SCFD2: variants seen among roughly 807,000 people sequenced by gnomAD.
SCFD2 encodes sec1 family domain-containing protein 2.
Under a neutral mutation model 58.9 loss-of-function variants are expected in SCFD2, and 54 were observed. The ratio of observed to expected loss-of-function variants is 0.92; its 90% CI spans 0.74 to 1.15. The LOEUF (loss-of-function observed/expected upper bound fraction) is 1.15, where lower values mean the gene tolerates loss of function less well. SCFD2 is among the 50% of genes most tolerant of loss of function. The probability of loss-of-function intolerance (pLI) is 0.00; values close to 1 mark genes in which losing one functional copy is unlikely to be tolerated. For missense variants in SCFD2, 805 were observed against 836.6 expected (o/e 0.96, Z 0.47); for synonymous variants, 321 against 335.9 (o/e 0.96, Z 0.49).
chr4:53,180,257 C>T (rs1220597520), intron 4 of SCFD2, among the ~76,000 whole-genome samples: 1 of 152,154 alleles, frequency 6.6e-6, no homozygotes, highest in East Asian at 1.9e-4. Context: ...GGAAGTAAAG[C>T]ACTCCTCAGC....
intron 5 of SCFD2, among the ~76,000 whole-genome samples, chr4:52,974,985 A>G (rs1015505173): frequency 4.6e-5 from 7 of 152,180 alleles, no homozygotes; most frequent in African/African-American, 9.6e-5. Context: ...AGCTGAAACT[A>G]GATCCCTTCC....
At chr4:52,907,633 T>C in intron 6 of SCFD2, 42 bp from the exon 7 acceptor site, 1 of 1,607,936 alleles carries the variant, frequency 6.2e-7, no homozygotes, top group Non-Finnish European at 8.5e-7. Context: ...TTGTTTGGTT[T>C]GTCTGGAGAG....
chr4:53,205,911 A>C (rs1390983409), intron 4 of SCFD2, among the ~76,000 whole-genome samples: 1 of 152,082 alleles, frequency 6.6e-6, no homozygotes, highest in Non-Finnish European at 1.5e-5. Flanking sequence ...AATAAGCTTA[A>C]TAAATTAAAA....
At chr4:53,263,049 G>C (rs1481085098) in intron 4 of SCFD2, among the ~76,000 whole-genome samples, 1 of 151,980 alleles carries the variant, frequency 6.6e-6, no homozygotes, top group East Asian at 1.9e-4. Flanking sequence ...TTATTGCTGA[G>C]ACTTTCCAGT....
intron 4 of SCFD2, among the ~76,000 whole-genome samples, chr4:53,263,183 G>A (rs1230325134): frequency 1.3e-5 from 2 of 151,740 alleles, no homozygotes; most frequent in Non-Finnish European, 2.9e-5. Context: ...ATTTCTTTAA[G>A]TTGGACTTCA....
intron 2 of SCFD2, among the ~76,000 whole-genome samples, chr4:53,337,629 A>T (rs2149141391): frequency 6.6e-6 from 1 of 152,342 alleles, no homozygotes. Context: ...ACACTTGTTT[A>T]AGAATGTTCA....
At chr4:53,151,048 C>T (rs537099004) in intron 4 of SCFD2, among the ~76,000 whole-genome samples, 11 of 152,254 alleles carry the variant, frequency 7.2e-5, no homozygotes, top group African/African-American at 2.6e-4. Context: ...CCCACAGGCT[C>T]CTTTCTTAGA....
chr4:53,018,607 G>A (rs1722269039), intron 5 of SCFD2, among the ~76,000 whole-genome samples: 1 of 152,096 alleles, frequency 6.6e-6, no homozygotes, highest in African/African-American at 2.4e-5. Flanking sequence ...ACTCCACTGG[G>A]CCCATGAAGT....
intron 5 of SCFD2, among the ~76,000 whole-genome samples, chr4:53,059,934 G>A (rs1285307749): frequency 2.0e-5 from 3 of 152,030 alleles, no homozygotes; most frequent in African/African-American, 7.2e-5. Flanking sequence ...GATACATAAA[G>A]CAAGTTCTTC....
intron 6 of SCFD2, among the ~76,000 whole-genome samples, chr4:52,911,171 A>G (rs538017300): frequency 1.4e-4 from 21 of 152,336 alleles, no homozygotes; most frequent in African/African-American, 4.8e-4. Context: ...CAAAAACACT[A>G]TATTCTGTAC....
At chr4:52,982,828 A>G (rs1721405372) in intron 5 of SCFD2, among the ~76,000 whole-genome samples, 1 of 152,180 alleles carries the variant, frequency 6.6e-6, no homozygotes, top group East Asian at 1.9e-4. Flanking sequence ...CCACTGGGGA[A>G]GAAATAAAAA....
intron 5 of SCFD2, among the ~76,000 whole-genome samples, chr4:53,123,867 T>G (rs1291510899): frequency 6.6e-6 from 1 of 152,214 alleles, no homozygotes; most frequent in African/African-American, 2.4e-5. Flanking sequence ...GGGTAGGACC[T>G]GTAAGCTGTA....
chr4:52,936,080 G>T (rs879615421), intron 5 of SCFD2, among the ~76,000 whole-genome samples: 2 of 151,928 alleles, frequency 1.3e-5, no homozygotes, highest in Admixed American at 6.6e-5. Flanking sequence ...CAGATGATCC[G>T]CCTGCCTCAT....
chr4:53,193,612 C>G (rs1401398201), intron 4 of SCFD2, among the ~76,000 whole-genome samples: 1 of 152,116 alleles, frequency 6.6e-6, no homozygotes, highest in Admixed American at 6.5e-5. Context: ...ACCTTACCAA[C>G]AAAGGGAACT....
chr4:53,164,834 C>T (rs1726961778), intron 4 of SCFD2, among the ~76,000 whole-genome samples: 1 of 148,478 alleles, frequency 6.7e-6, no homozygotes, highest in African/African-American at 2.5e-5. Context: ...AGAAGAAGGG[C>T]AGTGTAGTCA....
chr4:53,298,758 A>C (rs1046657883), intron 3 of SCFD2, among the ~76,000 whole-genome samples: 8 of 152,156 alleles, frequency 5.3e-5, no homozygotes, highest in Non-Finnish European at 1.0e-4. Context: ...TTCCAGAGGA[A>C]CGATCAGGCA....
At chr4:53,151,501 A>C (rs1047576426) in intron 4 of SCFD2, among the ~76,000 whole-genome samples, 20 of 152,168 alleles carry the variant, frequency 1.3e-4, no homozygotes, top group African/African-American at 4.6e-4. Context: ...TTTTAGTTCA[A>C]TTAAAATGCC....
chr4:53,175,587 T>A (rs560405166), intron 4 of SCFD2, among the ~76,000 whole-genome samples: 1 of 152,360 alleles, frequency 6.6e-6, no homozygotes, highest in South Asian at 2.1e-4. Context: ...TATTAGTTTA[T>A]TTATGCCTTA....
chr4:53,201,139 G>C (rs1274907108), intron 4 of SCFD2, among the ~76,000 whole-genome samples: 4 of 151,666 alleles, frequency 2.6e-5, no homozygotes, highest in African/African-American at 9.7e-5. Context: ...TCGTCATTTA[G>C]CATTAGGTAT....
Sources: allele counts gnomAD v4.1 joint callset (sites outside exome capture counted in the v4.1 genomes callset), GRCh38; gene constraint gnomAD v4.1.1; transcripts MANE v1.5; gene names NCBI Gene and HGNC (gene_info 2026-07-23, HGNC 2026-07-21).